The following NUTM2B variants were observed in gnomAD, a reference collection of about 807,000 sequenced individuals.
The protein encoded by NUTM2B is NUT family member 2B.
In NUTM2B, 2 loss-of-function variants were observed where a neutral mutation model predicts 42.4. That is an observed-to-expected ratio of 0.05 (90% confidence interval 0.02 to 0.15). The LOEUF (loss-of-function observed/expected upper bound fraction) is 0.15, where lower values mean the gene tolerates loss of function less well. Ranked by LOEUF, NUTM2B falls within the 10% of genes least tolerant of loss-of-function variation. NUTM2B has a pLI of 1.00. For missense variants in NUTM2B, 58 were observed against 952.6 expected (o/e 0.06, Z 12.36); for synonymous variants, 18 against 402.4 (o/e 0.04, Z 11.43).
chr10:79,695,597 T>C, the NUTM2B span, among the ~76,000 whole-genome samples: 3 of 152,232 alleles, frequency 2.0e-5, no homozygotes, highest in Non-Finnish European at 2.9e-5. Context: ...AGGAGGCAGA[T>C]GGTAGTGCAG....
At chr10:79,698,314 T>A (rs994030540), upstream of NUTM2B, among the ~76,000 whole-genome samples, 9 of 152,160 alleles carry the variant, frequency 5.9e-5, no homozygotes, top group African/African-American at 7.2e-5. Flanking sequence ...ATATGCTACA[T>A]CTCCGGAATA....
chr10:79,709,140 G>A (rs1840443174), intron 3 of NUTM2B, among the ~76,000 whole-genome samples: 2 of 113,226 alleles, frequency 1.8e-5, no homozygotes, highest in Non-Finnish European at 3.4e-5. Context: ...ATGGGGAGAA[G>A]GGGCGCTAGT....
chr10:79,700,880 C>G (rs562346032), upstream of NUTM2B, among the ~76,000 whole-genome samples: 1 of 152,178 alleles, frequency 6.6e-6, no homozygotes, highest in Non-Finnish European at 1.5e-5. Context: ...AATGGAGGGA[C>G]GCGGCACCTG....
intron 1 of NUTM2B, among the ~76,000 whole-genome samples, chr10:79,705,630 G>T (rs1840375872): frequency 7.0e-6 from 1 of 142,154 alleles, no homozygotes; most frequent in African/African-American, 2.6e-5. Flanking sequence ...CTGGCTTCCT[G>T]TCGGCCTTCT....
At chr10:79,697,130 T>C in the NUTM2B span, among the ~76,000 whole-genome samples, 1 of 107,366 alleles carries the variant, frequency 9.3e-6, no homozygotes, top group Non-Finnish European at 1.9e-5. Flanking sequence ...GACAAAACTC[T>C]ACCTGCCCCA....
chr10:79,711,823 G>A (rs745345463), exon 7 of NUTM2B: 1 of 1,591,116 alleles, frequency 6.3e-7, no homozygotes, highest in African/African-American at 1.4e-5. Context: ...AGCAGAGAGA[G>A]ACGTCCCTGA....
At chr10:79,709,668 G>T in intron 3 of NUTM2B, 132 bp from the exon 4 acceptor site, 2 of 1,269,182 alleles carry the variant, frequency 1.6e-6, no homozygotes, top group Non-Finnish European at 2.1e-6. Context: ...GGGACTGGGG[G>T]ATGGGACACA....
chr10:79,700,779 G>A (rs1459956417), upstream of NUTM2B, among the ~76,000 whole-genome samples: 3 of 152,214 alleles, frequency 2.0e-5, no homozygotes, highest in African/African-American at 4.8e-5. Flanking sequence ...GGCCGGCCTC[G>A]CGCTGGAACC....
At chr10:79,692,326 T>A in the NUTM2B span, among the ~76,000 whole-genome samples, 2 of 152,256 alleles carry the variant, frequency 1.3e-5, no homozygotes, top group African/African-American at 4.8e-5. Flanking sequence ...CCAATCTTTA[T>A]AACCCTGTGG....
intron 3 of NUTM2B, among the ~76,000 whole-genome samples, chr10:79,709,254 C>T (rs1421563169): frequency 1.5e-5 from 2 of 132,084 alleles, no homozygotes; most frequent in Non-Finnish European, 3.2e-5. Flanking sequence ...AGATCTGCAC[C>T]TGGGACACCA....
At chr10:79,702,325 G>A (rs1172181567), upstream of NUTM2B, among the ~76,000 whole-genome samples, 1 of 151,876 alleles carries the variant, frequency 6.6e-6, no homozygotes, top group Non-Finnish European at 1.5e-5. Context: ...AGTGGCCACT[G>A]TGGAGACATT....
At chr10:79,700,119 AC>A (rs1257971986), upstream of NUTM2B, among the ~76,000 whole-genome samples, 1 of 152,190 alleles carries the variant, frequency 6.6e-6, no homozygotes, top group Non-Finnish European at 1.5e-5. Context: ...TGCATCCACA[AC>A]CAACTTGTGC....
intron 3 of NUTM2B, among the ~76,000 whole-genome samples, chr10:79,709,331 G>A (rs1401992784): frequency 1.5e-5 from 2 of 135,984 alleles, no homozygotes; most frequent in Non-Finnish European, 3.1e-5. Context: ...CAGACAGATA[G>A]ACAGCAGCCT....
intron 3 of NUTM2B, 37 bp from the exon 4 acceptor site, chr10:79,709,763 A>G: frequency 3.2e-6 from 2 of 621,960 alleles, no homozygotes; most frequent in Non-Finnish European, 4.8e-6. Context: ...GGGGGCCTGG[A>G]CCCTCTCAGC....
At chr10:79,693,727 A>G in the NUTM2B span, among the ~76,000 whole-genome samples, 3 of 152,224 alleles carry the variant, frequency 2.0e-5, no homozygotes, top group Admixed American at 1.3e-4. Context: ...GACATATATT[A>G]TAAAAGCAGA....
the NUTM2B span, among the ~76,000 whole-genome samples, chr10:79,693,001 G>A: frequency 6.6e-6 from 1 of 152,186 alleles, no homozygotes; most frequent in Non-Finnish European, 1.5e-5. Flanking sequence ...AGGAGAGGCT[G>A]GGGACTCTTG....
intron 3 of NUTM2B, among the ~76,000 whole-genome samples, chr10:79,709,472 A>G (rs1840449710): frequency 7.7e-6 from 1 of 130,108 alleles, no homozygotes; most frequent in Admixed American, 8.0e-5. Flanking sequence ...GCATCTGGGC[A>G]TCATCCCTGA....
upstream of NUTM2B, among the ~76,000 whole-genome samples, chr10:79,698,955 C>T (rs1410896920): frequency 3.3e-5 from 5 of 152,188 alleles, no homozygotes; most frequent in African/African-American, 9.7e-5. Context: ...CTTCCAAATG[C>T]TCACACAGAA....
At chr10:79,702,197 A>C (rs1036199040), upstream of NUTM2B, among the ~76,000 whole-genome samples, 3 of 152,124 alleles carry the variant, frequency 2.0e-5, no homozygotes, top group African/African-American at 7.2e-5. Flanking sequence ...TTCTCAGCTA[A>C]GATGGAGGTA....
Sources: gnomAD v4.1 joint callset for allele counts (sites outside exome capture counted in the v4.1 genomes callset) on GRCh38, gnomAD v4.1.1 for gene constraint, MANE v1.5 for transcripts, NCBI Gene and HGNC (gene_info 2026-07-23, HGNC 2026-07-21) for gene names.